The following TINAG variants were observed in gnomAD, a reference collection of about 807,000 sequenced individuals.
The protein encoded by TINAG is tubulointerstitial nephritis antigen.
A neutral mutation model predicts 72.7 loss-of-function variants in TINAG; 83 were observed. The ratio of observed to expected loss-of-function variants is 1.14; its 90% CI spans 0.96 to 1.37. The LOEUF is 1.37. Among genes scored for constraint, TINAG ranks in the 40% most tolerant of loss-of-function variants. The probability of loss-of-function intolerance (pLI) is 0.00; values close to 1 mark genes in which losing one functional copy is unlikely to be tolerated. For missense variants in TINAG, 685 were observed against 576.6 expected (o/e 1.19, Z -1.93); for synonymous variants, 234 against 189.9 (o/e 1.23, Z -1.91).
At chr6:54,376,107 T>C (rs982731400) in intron 9 of TINAG, among the ~76,000 whole-genome samples, 3 of 152,082 alleles carry the variant, frequency 2.0e-5, no homozygotes. Context: ...AATTCTACAC[T>C]CCCATGTCAA....
chr6:54,375,974 C>T (rs1763766947), intron 9 of TINAG, among the ~76,000 whole-genome samples: 1 of 152,144 alleles, frequency 6.6e-6, no homozygotes, highest in African/African-American at 2.4e-5. Context: ...CCACACCTGC[C>T]TAACTTCATT....
chr6:54,322,189 T>A (rs984436797), intron 3 of TINAG, among the ~76,000 whole-genome samples: 3 of 151,850 alleles, frequency 2.0e-5, no homozygotes, highest in African/African-American at 7.3e-5. Context: ...ATGCCGATAA[T>A]CCCAGGTACT....
chr6:54,331,075 G>A (rs764127721), intron 4 of TINAG, among the ~76,000 whole-genome samples: 1 of 152,068 alleles, frequency 6.6e-6, no homozygotes, highest in Non-Finnish European at 1.5e-5. Flanking sequence ...CTAAACAATA[G>A]AAAAAGAGTG....
At position 54,320,647 on chromosome 6, in the gene TINAG, T is replaced by C; in HGVS notation, c.419+5T>C. The C allele has an allele frequency of 6.2e-7, 1 of 1,606,604 alleles. No individual in the cohort carries two copies. Among genetic ancestry groups the C allele is most frequent in the Non-Finnish European group, 8.5e-7 (1 of 1,175,900 alleles). ...TAAAGAAAACTGCAACTCCTGGTAATAAATTTAAGTGGCACAGAACTGAGT... is the reference window on the plus strand; with the variant it reads ...TAAAGAAAACTGCAACTCCTGGTAACAAATTTAAGTGGCACAGAACTGAGT... On this transcript the variant is annotated splice_donor_5th_base_variant and intron_variant, in intron 2 of 10. Transcript: ENST00000259782.
intron 1 of TINAG, among the ~76,000 whole-genome samples, chr6:54,310,516 C>A (rs1236675633): frequency 7.1e-6 from 1 of 140,418 alleles, no homozygotes; most frequent in African/African-American, 2.6e-5. Context: ...CTCTTTCTTT[C>A]TTTTCTTTCT....
Position 54,342,930 on chromosome 6 carries a change from A to T in TINAG, c.625-296A>T, listed in dbSNP as rs567423188. On this transcript the variant is annotated intron_variant, in intron 4 of 10. Transcript: ENST00000259782. ...ATGTGGTCTTCCTATGGATGAGCAAAACTCTGATTCAAGGTGATAGAAACA... is the reference window on the plus strand; with the variant it reads ...ATGTGGTCTTCCTATGGATGAGCAATACTCTGATTCAAGGTGATAGAAACA... Among the ~76,000 whole-genome samples, 55 of 152,276 alleles carry T rather than the reference A, an allele frequency of 3.6e-4. No homozygotes were observed. In the South Asian group the frequency reaches 0.011, roughly 31 times the overall value.
intron 9 of TINAG, among the ~76,000 whole-genome samples, chr6:54,372,727 C>T (rs73741233): frequency 2.2e-5 from 3 of 133,956 alleles, no homozygotes; most frequent in Admixed American, 8.9e-5. Flanking sequence ...TAAATACATA[C>T]ATATATATAT....
chr6:54,337,618 G>T (rs1427232403), intron 4 of TINAG, among the ~76,000 whole-genome samples: 1 of 152,068 alleles, frequency 6.6e-6, no homozygotes, highest in Non-Finnish European at 1.5e-5. Context: ...CTACCTGATT[G>T]CAATACCATA....
chr6:54,327,246 G>A (rs1175909328), intron 4 of TINAG: 1 of 1,439,196 alleles, frequency 6.9e-7, no homozygotes, highest in East Asian at 2.9e-5. Context: ...TACCAACTGA[G>A]GTACACGGTT....
upstream of TINAG, chr6:54,308,320 A>C: frequency 1.6e-6 from 1 of 642,910 alleles, no homozygotes; most frequent in Middle Eastern, 4.3e-4. Context: ...TAAGTTTTTT[A>C]ACTTTGGGGG....
rs191844727 is a variant in TINAG, at chr6:54,351,075, C to T, written c.1081-277C>T. The stretch of plus-strand genomic sequence containing the variant: ...AAAAATTAGAGGTACTAGTAATCTC[C>T]ACTAATTAAATATTGCTTTAACTTA... On this transcript the variant is annotated intron_variant, in intron 7 of 10. Coordinates refer to ENST00000259782, the MANE Select transcript of TINAG (RefSeq NM_014464.4). Among the ~76,000 whole-genome samples, 280 of 152,022 alleles carry T rather than the reference C, an allele frequency of 1.8e-3. 1 individual carries two copies. The highest frequency in any genetic ancestry group is 6.1e-3 in the African/African-American group (255 of 41,492).
intron 8 of TINAG, among the ~76,000 whole-genome samples, chr6:54,354,058 A>G (rs1012473609): frequency 1.3e-5 from 2 of 151,786 alleles, no homozygotes; most frequent in Admixed American, 6.6e-5. Flanking sequence ...TTTTATTCCA[A>G]CTCACAAAAG....
chr6:54,316,991 T>G (rs1055559652), intron 1 of TINAG, among the ~76,000 whole-genome samples: 2 of 152,124 alleles, frequency 1.3e-5, no homozygotes, highest in Non-Finnish European at 1.5e-5. Context: ...CTTTGTTTTG[T>G]TTTGTTTTTT....
At chr6:54,351,505 A>G in intron 8 of TINAG, 108 bp downstream of exon 8, 1 of 1,015,544 alleles carries the variant, frequency 9.8e-7, no homozygotes, top group Admixed American at 2.6e-5. Context: ...TTTTTACTTT[A>G]AGAGTATCCA....
chr6:54,367,217 A>G (rs1469892039), intron 9 of TINAG: 1 of 151,820 alleles, frequency 6.6e-6, no homozygotes, highest in Non-Finnish European at 1.5e-5. Flanking sequence ...GTTTGCAAGC[A>G]GTTCAGTTCA....
chr6:54,341,396 T>C lies in TINAG; in HGVS notation c.625-1830T>C, dbSNP rs979160839. 3.3e-5 allele frequency among the ~76,000 whole-genome samples: 5 copies of C among 152,276 alleles called. No homozygotes were observed. In the South Asian group the frequency reaches 1.0e-3, roughly 32 times the overall value. ...ATGTCATCAAAACCCCCAAATCACT[T>C]AGTTTTCTATGATACCATCCTTGAA... On this transcript the variant is annotated intron_variant, in intron 4 of 10. Coordinates refer to ENST00000259782, the MANE Select transcript of TINAG (RefSeq NM_014464.4).
At chr6:54,371,745 G>T (rs1763614611) in intron 9 of TINAG, among the ~76,000 whole-genome samples, 1 of 151,792 alleles carries the variant, frequency 6.6e-6, no homozygotes, top group South Asian at 2.1e-4. Flanking sequence ...ACACATAAGT[G>T]GTAGGAATTT....
intron 8 of TINAG, among the ~76,000 whole-genome samples, chr6:54,353,983 G>A (rs770037248): frequency 6.6e-6 from 1 of 151,824 alleles, no homozygotes; most frequent in Non-Finnish European, 1.5e-5. Flanking sequence ...GTACAACATT[G>A]CTTATCTCTC....
At chr6:54,352,275 T>C (rs1785283815) in intron 8 of TINAG, among the ~76,000 whole-genome samples, 1 of 151,908 alleles carries the variant, frequency 6.6e-6, no homozygotes, top group African/African-American at 2.4e-5. Context: ...TTCTGAATAC[T>C]GATCTAATTA....
Sources: gnomAD v4.1 joint callset for allele counts (sites outside exome capture counted in the v4.1 genomes callset) on GRCh38, gnomAD v4.1.1 for gene constraint, MANE v1.5 for transcripts, NCBI Gene and HGNC (gene_info 2026-07-23, HGNC 2026-07-21) for gene names.